NUP188: variants seen among roughly 807,000 people sequenced by gnomAD.
NUP188 encodes the protein nucleoporin NUP188.
Under a neutral mutation model 223.0 loss-of-function variants are expected in NUP188, and 97 were observed. That is an observed-to-expected ratio of 0.43 (90% CI 0.37 to 0.51). The LOEUF is 0.51. Ranked by LOEUF, NUP188 falls within the 20% of genes least tolerant of loss-of-function variation. The pLI is 0.00. For synonymous variants in NUP188, 869 were observed against 828.0 expected (o/e 1.05, Z -0.85); for missense variants, 1,947 against 2,175.6 (o/e 0.89, Z 2.09).
intron 15 of NUP188, 36 bp from the exon 16 acceptor site, chr9:128,982,513 C>T (rs1246952830): frequency 1.3e-6 from 2 of 1,557,108 alleles, no homozygotes; most frequent in Non-Finnish European, 1.8e-6. Context: ...TTTTATTTAT[C>T]CTCAGATATT....
At chr9:128,951,668 A>T (rs1026132614) in intron 2 of NUP188, among the ~76,000 whole-genome samples, 1 of 152,226 alleles carries the variant, frequency 6.6e-6, no homozygotes, top group Non-Finnish European at 1.5e-5. Context: ...ATTATGTTAT[A>T]ATGTTAAGCA....
In NUP188 at chr9:128,958,027, G is replaced by GTACTGCA; in HGVS notation, c.345_346insTACTGCA (p.Arg116TyrfsTer18). 6.2e-7 allele frequency: 1 copy of GTACTGCA among 1,613,360 alleles called. No homozygotes were observed. The highest frequency in any genetic ancestry group is 8.5e-7 in the Non-Finnish European group (1 of 1,179,608). On this transcript the variant is annotated frameshift_variant, in exon 6 of 44. Coordinates refer to ENST00000372577, the MANE Select transcript of NUP188 (RefSeq NM_015354.3). LOFTEE classifies it high-confidence loss of function. ...CTTTTCAGACAGTACTGCAAGATGA[G>GTACTGCA]AGGCAGAGCCAGGCCTTAATCCTGA... is the stretch of plus-strand genomic sequence containing the variant.
In NUP188 at chr9:128,970,969, G is replaced by A. The variant is rs768454286; in HGVS notation, c.1113+11G>A. 14 of 1,609,138 alleles carry A rather than the reference G, an allele frequency of 8.7e-6. No homozygotes were observed. Among genetic ancestry groups the A allele is most frequent in the Non-Finnish European group, 1.1e-5 (13 of 1,175,404 alleles). On this transcript the variant is annotated intron_variant, in intron 11 of 43. Transcript: ENST00000372577. ...AGTGGGGGAAATGATGTGAGTTTAA[G>A]GCTCTGGGTGGTGAGCATGGGAGTG...
At chr9:128,960,220 C>T (rs1841928249) in intron 8 of NUP188, among the ~76,000 whole-genome samples, 1 of 151,234 alleles carries the variant, frequency 6.6e-6, no homozygotes, top group Non-Finnish European at 1.5e-5. Flanking sequence ...CCCGCCACCA[C>T]GCCCAGCTAA....
At chr9:128,998,685 C>T (rs1040720935) in intron 32 of NUP188, 62 bp downstream of exon 32, 40 of 1,356,668 alleles carry the variant, frequency 2.9e-5, no homozygotes, top group Non-Finnish European at 3.2e-6. Flanking sequence ...GCCTGCTTGC[C>T]TTCCTGAAAG....
intron 8 of NUP188, among the ~76,000 whole-genome samples, chr9:128,961,458 G>A (rs990509073): frequency 6.6e-6 from 1 of 151,932 alleles, no homozygotes; most frequent in Admixed American, 6.6e-5. Flanking sequence ...GTTGCAGTGA[G>A]CCGAGATGAC....
intron 30 of NUP188, among the ~76,000 whole-genome samples, chr9:128,997,007 A>T (rs1842538413): frequency 6.6e-6 from 1 of 152,234 alleles, no homozygotes; most frequent in African/African-American, 2.4e-5. Context: ...CAAATTTAGC[A>T]ATAAAAAATA....
rs757222690 is a variant in NUP188 at position 128,957,008 on chromosome 9, C to T, written c.303C>T (p.Tyr101=). 3.1e-6 allele frequency: 5 copies of T among 1,612,076 alleles called. No individual in the cohort carries two copies. In the South Asian group the frequency reaches 5.5e-5, roughly 18 times the overall value. ...TCCAGTGTTACCTGCAAGAGGACTA[C>T]AGGGGTACTCGGGACTCAGTAAAGG... ...QLLQCYLQED[Y]RGTRDSVKTV... Residue 101 remains tyrosine (Y), a synonymous_variant, in exon 5 of 44, where the codon TAC becomes TAT. Transcript: ENST00000372577.
Position 129,005,388 on chromosome 9 carries a change from C to G in NUP188, c.4595C>G (p.Ser1532Ter). 6.2e-7 allele frequency: 1 copy of G among 1,611,806 alleles called. No individual in the cohort carries two copies. Among genetic ancestry groups the G allele is most frequent in the East Asian group, 2.2e-5 (1 of 44,844 alleles). ...GCTGCTTCTGCTGCCCCCTCCTCCT[C>G]AAAGCAGCCCGCTGCTGACACAGAG... ...PSAASAAPSS[S>*]KQPAADTEAS... Residue 1532 changes from serine (S) to a stop codon, truncating the protein, a stop_gained, in exon 40 of 44, where the codon TCA becomes TGA. Transcript: ENST00000372577. LOFTEE classifies it high-confidence loss of function.
chr9:128,966,323 C>T lies in NUP188; in HGVS notation c.586-2183C>T, dbSNP rs1001372354. On this transcript the variant is annotated intron_variant, in intron 8 of 43. Transcript: ENST00000372577. ...GTATGTGTTAGAAGTCTCACTGTCACGCAGAGTGAGACTCTCTGGATTTAA... is the reference window on the plus strand; with the variant it reads ...GTATGTGTTAGAAGTCTCACTGTCATGCAGAGTGAGACTCTCTGGATTTAA... 5.9e-5 allele frequency among the ~76,000 whole-genome samples: 9 copies of T among 151,376 alleles called. 1 individual carries two copies. Among genetic ancestry groups the T allele is most frequent in the Non-Finnish European group, 1.0e-4 (7 of 67,890 alleles).
intron 2 of NUP188, 107 bp from the exon 3 acceptor site, chr9:128,952,666 T>C: frequency 3.6e-6 from 3 of 843,410 alleles, no homozygotes; most frequent in Non-Finnish European, 5.6e-6. Flanking sequence ...GAGGTTGCAG[T>C]CAGCCAAGTT....
chr9:128,974,624 C>G (rs77433350), intron 12 of NUP188, among the ~76,000 whole-genome samples: 5,272 of 152,164 alleles, frequency 0.035, 204 homozygotes, highest in African/African-American at 0.092. Context: ...TACCAGTTAT[C>G]ATCTCATGGA....
At chr9:128,963,814 GTTTT>G (rs201498395) in intron 8 of NUP188, among the ~76,000 whole-genome samples, 2 of 140,404 alleles carry the variant, frequency 1.4e-5, no homozygotes, top group Admixed American at 1.4e-4. Flanking sequence ...CTTATTGTGG[GTTTT>G]TTTTTTTTTT....
At chr9:128,958,585 T>C (rs1472287448) in intron 6 of NUP188, among the ~76,000 whole-genome samples, 1 of 152,246 alleles carries the variant, frequency 6.6e-6, no homozygotes, top group Admixed American at 6.5e-5. Context: ...TTGTGTATAT[T>C]GTTAAACAAT....
rs550935482 is a variant in NUP188 at position 128,963,484 on chromosome 9, A to G, written c.585+4350A>G. ...TATTTTTAATACTGGGATTACAGGC[A>G]TGAGCCACCATGCCCAGCCGTAAAT... On this transcript the variant is annotated intron_variant, in intron 8 of 43. Coordinates refer to ENST00000372577, the MANE Select transcript of NUP188 (RefSeq NM_015354.3). 2.7e-5 allele frequency among the ~76,000 whole-genome samples: 4 copies of G among 149,200 alleles called. No individual in the cohort carries two copies. In the East Asian group the frequency reaches 7.8e-4, roughly 29 times the overall value.
rs182474813 is a variant in NUP188, at chr9:128,972,311, T to C, written c.1114-849T>C. Among the ~76,000 whole-genome samples, 358 of 152,318 alleles carry C rather than the reference T, an allele frequency of 2.4e-3. 1 individual carries two copies. Among genetic ancestry groups the C allele is most frequent in the Non-Finnish European group, 3.6e-3 (246 of 68,024 alleles). ...GAAAAGACATGGAGAAGACATTAAA[T>C]GCATATTAGTAAATGAAGCCAATCT... On this transcript the variant is annotated intron_variant, in intron 11 of 43. Transcript: ENST00000372577.
intron 8 of NUP188, among the ~76,000 whole-genome samples, chr9:128,963,098 G>T (rs574984433): frequency 6.6e-6 from 1 of 152,098 alleles, no homozygotes; most frequent in Non-Finnish European, 1.5e-5. Flanking sequence ...ACATTCCATT[G>T]TGTGGATATA....
At position 129,006,261 on chromosome 9, in the gene NUP188, GA is replaced by G; in HGVS notation, c.4970del (p.Asn1657ThrfsTer27). 1 of 1,614,174 alleles carries G rather than the reference GA, an allele frequency of 6.2e-7. No individual in the cohort carries two copies. The highest frequency in any genetic ancestry group is 1.1e-5 in the South Asian group (1 of 91,078). Reference protein sequence around the residue: ...TLKSLLMFTMENCFYLLISQA... With the variant: ...TLKSLLMFTMXNCFYLLISQA... ...CAGGTCCCTCCTGATGTTTACCATG[GA>G]AAACTGCTTCTACCTGCTCATCTCT... On this transcript the variant is annotated frameshift_variant, in exon 43 of 44. Coordinates refer to ENST00000372577, the MANE Select transcript of NUP188 (RefSeq NM_015354.3). LOFTEE classifies it high-confidence loss of function.
At chr9:128,989,129 C>T (rs777119840) in intron 24 of NUP188, among the ~76,000 whole-genome samples, 4 of 151,968 alleles carry the variant, frequency 2.6e-5, no homozygotes, top group East Asian at 1.9e-4. Flanking sequence ...CATGGTGGCT[C>T]ACGTCTGTAA....
Sources: gnomAD v4.1 joint callset for allele counts (sites outside exome capture counted in the v4.1 genomes callset) on GRCh38, gnomAD v4.1.1 for gene constraint, MANE v1.5 for transcripts, NCBI Gene and HGNC (gene_info 2026-07-23, HGNC 2026-07-21) for gene names.